The following CERS3 variants were observed in gnomAD, a reference collection of about 807,000 sequenced individuals.
CERS3 encodes the protein ceramide synthase 3.
CERS3 carries 33 observed loss-of-function variants against 50.3 expected under a neutral mutation model. The ratio of observed to expected loss-of-function variants is 0.66; its 90% CI spans 0.50 to 0.88. The LOEUF (loss-of-function observed/expected upper bound fraction) is 0.88, where lower values mean the gene tolerates loss of function less well. CERS3 is among the 40% of genes least tolerant of loss of function. The pLI is 0.00. For missense variants in CERS3, 470 were observed against 460.3 expected (o/e 1.02, Z -0.19); for synonymous variants, 176 against 155.2 (o/e 1.13, Z -0.99).
chr15:100,486,311 G>A (rs2035480915), intron 4 of CERS3, among the ~76,000 whole-genome samples: 1 of 152,164 alleles, frequency 6.6e-6, no homozygotes, highest in Non-Finnish European at 1.5e-5. Flanking sequence ...AATCGGATAT[G>A]GTAGGAAGGG....
chr15:100,457,442 A>T (rs2034412170), intron 10 of CERS3, among the ~76,000 whole-genome samples: 1 of 152,194 alleles, frequency 6.6e-6, no homozygotes, highest in Non-Finnish European at 1.5e-5. Context: ...TGAGCTTTTA[A>T]GGCCACCTTC....
At chr15:100,422,836 C>CA (rs1221439805) in intron 11 of CERS3, among the ~76,000 whole-genome samples, 1 of 138,572 alleles carries the variant, frequency 7.2e-6, no homozygotes, top group Non-Finnish European at 1.5e-5. Context: ...ATCGCAAGAA[C>CA]AAAAAACCAA....
chr15:100,480,077 T>G (rs759187266), intron 5 of CERS3, 31 bp from the exon 6 acceptor site: 2 of 1,516,862 alleles, frequency 1.3e-6, no homozygotes, highest in Non-Finnish European at 1.8e-6. Context: ...CTTTACTCCC[T>G]TGTAAAGGTA....
chr15:100,480,517 T>C (rs2035265569), intron 5 of CERS3, among the ~76,000 whole-genome samples: 1 of 152,134 alleles, frequency 6.6e-6, no homozygotes, highest in African/African-American at 2.4e-5. Flanking sequence ...CTCCTAAAAG[T>C]AGGTTTTGAA....
chr15:100,542,154 C>T (rs143054899), intron 1 of CERS3, among the ~76,000 whole-genome samples: 34 of 152,176 alleles, frequency 2.2e-4, no homozygotes, highest in African/African-American at 8.0e-4. Flanking sequence ...AATCTTTTAT[C>T]AAAACTGAAA....
Position 100,456,028 on chromosome 15 carries a change from C to T in CERS3, c.864G>A (p.Leu288=). ...VFPFWILYCT[L]ILPMYHLEPF... is the part of the protein sequence containing the mutation. ...GCTCGAGGTGATACATAGGCAAGAT[C>T]AGCGTGCAATATAAAATCCTGAAAC... Residue 288 remains leucine, a synonymous_variant, in exon 11 of 12, where the codon CTG becomes CTA. Transcript: ENST00000679737. The T allele has an allele frequency of 1.2e-6, 2 of 1,608,652 alleles. No homozygotes were observed. Among genetic ancestry groups the T allele is most frequent in the Non-Finnish European group, 1.7e-6 (2 of 1,177,450 alleles).
intron 1 of CERS3, among the ~76,000 whole-genome samples, chr15:100,542,428 G>A (rs751698051): frequency 8.5e-5 from 13 of 152,176 alleles, no homozygotes; most frequent in East Asian, 1.9e-4. Flanking sequence ...TTCCATAATC[G>A]GCAACCGCCA....
chr15:100,467,847 A>ACGTG (rs1567640065), intron 10 of CERS3, among the ~76,000 whole-genome samples: 4 of 71,694 alleles, frequency 5.6e-5, no homozygotes, highest in African/African-American at 9.4e-5. Context: ...GTATATATAT[A>ACGTG]TATATAGATA....
At chr15:100,411,182 G>A (rs2031458664) in intron 11 of CERS3, among the ~76,000 whole-genome samples, 1 of 151,814 alleles carries the variant, frequency 6.6e-6, no homozygotes, top group Non-Finnish European at 1.5e-5. Flanking sequence ...TTTCTTTTGA[G>A]ATGCAGTTTC....
intron 11 of CERS3, among the ~76,000 whole-genome samples, chr15:100,408,066 T>A (rs2031198045): frequency 6.6e-6 from 1 of 152,022 alleles, no homozygotes; most frequent in South Asian, 2.1e-4. Flanking sequence ...GAGATGGGGT[T>A]TCACTATGTT....
chr15:100,537,752 G>C (rs532845775), intron 1 of CERS3, among the ~76,000 whole-genome samples: 1 of 152,250 alleles, frequency 6.6e-6, no homozygotes, highest in Non-Finnish European at 1.5e-5. Context: ...CATATCATCT[G>C]CCCATGGCCC....
chr15:100,497,306 A>ATGTATGTGTGTG (rs1555531979), intron 3 of CERS3, among the ~76,000 whole-genome samples: 12 of 145,864 alleles, frequency 8.2e-5, no homozygotes, highest in Non-Finnish European at 1.7e-4. Context: ...GCATATATGT[A>ATGTATGTGTGTG]TGTGTGTGTG....
chr15:100,514,510 G>A (rs11856789), intron 2 of CERS3, among the ~76,000 whole-genome samples: 49,199 of 151,788 alleles, frequency 0.32, 8,128 homozygotes, highest in East Asian at 0.37. Context: ...CATAAAACTG[G>A]ACACAATTTT....
At chr15:100,526,642 G>A (rs1596815638) in intron 1 of CERS3, among the ~76,000 whole-genome samples, 1 of 152,226 alleles carries the variant, frequency 6.6e-6, no homozygotes. Flanking sequence ...TACTTTAAGA[G>A]GCTGTTTGAA....
chr15:100,504,862 A>G (rs1186411559), intron 2 of CERS3, among the ~76,000 whole-genome samples: 1 of 152,220 alleles, frequency 6.6e-6, no homozygotes, highest in East Asian at 1.9e-4. Flanking sequence ...ATCTGACATA[A>G]CTGACCAAAA....
At chr15:100,409,172 T>A in intron 11 of CERS3, among the ~76,000 whole-genome samples, 1 of 152,196 alleles carries the variant, frequency 6.6e-6, no homozygotes, top group East Asian at 1.9e-4. Context: ...TCGCTACATC[T>A]TCCATCCCTA....
chr15:100,529,579 A>G (rs1424715172), upstream of CERS3, among the ~76,000 whole-genome samples: 2 of 152,210 alleles, frequency 1.3e-5, no homozygotes, highest in African/African-American at 2.4e-5. Context: ...GGAAATAAAC[A>G]TTGTTGCTTG....
At chr15:100,473,975 T>C (rs934031064) in intron 8 of CERS3, among the ~76,000 whole-genome samples, 1 of 152,188 alleles carries the variant, frequency 6.6e-6, no homozygotes, top group Non-Finnish European at 1.5e-5. Context: ...TACTGATACA[T>C]GCCATAACAT....
intron 11 of CERS3, among the ~76,000 whole-genome samples, chr15:100,437,155 C>A (rs188400302): frequency 6.6e-6 from 1 of 152,154 alleles, no homozygotes. Flanking sequence ...CCGTGTTAGC[C>A]AGGATGGTCT....
Sources: allele counts gnomAD v4.1 joint callset (sites outside exome capture counted in the v4.1 genomes callset), GRCh38; gene constraint gnomAD v4.1.1; transcripts MANE v1.5; gene names NCBI Gene and HGNC (gene_info 2026-07-23, HGNC 2026-07-21).